The following DENND1A variants were observed in gnomAD, a reference collection of about 807,000 sequenced individuals.
DENND1A encodes the protein DENN domain-containing protein 1A.
Under a neutral mutation model 113.7 loss-of-function variants are expected in DENND1A, and 51 were observed. The ratio of observed to expected loss-of-function variants is 0.45; its 90% CI spans 0.36 to 0.57. The LOEUF (loss-of-function observed/expected upper bound fraction) is 0.57, where lower values mean the gene tolerates loss of function less well. DENND1A is among the 20% of genes least tolerant of loss of function. DENND1A has a pLI of 0.00. For missense variants in DENND1A, 1,258 were observed against 1,395.9 expected (o/e 0.90, Z 1.57); for synonymous variants, 565 against 570.8 (o/e 0.99, Z 0.14).
At chr9:123,560,692 A>AG (rs1183147634) in intron 12 of DENND1A, among the ~76,000 whole-genome samples, 2 of 150,220 alleles carry the variant, frequency 1.3e-5, no homozygotes, top group African/African-American at 4.9e-5. Flanking sequence ...CCTGTCTCAA[A>AG]AAAAAAAAAA....
intron 13 of DENND1A, among the ~76,000 whole-genome samples, chr9:123,468,097 C>G (rs2049104196): frequency 6.6e-6 from 1 of 152,154 alleles, no homozygotes; most frequent in Non-Finnish European, 1.5e-5. Flanking sequence ...AGAAGGCAGG[C>G]TCTGATTCAT....
At chr9:123,640,597 C>T (rs1009836548) in intron 9 of DENND1A, among the ~76,000 whole-genome samples, 8 of 152,222 alleles carry the variant, frequency 5.3e-5, no homozygotes, top group African/African-American at 9.6e-5. Context: ...GGATCTTTAT[C>T]GCTCTCCTTG....
At chr9:123,742,532 CAA>C (rs2069115896) in intron 5 of DENND1A, among the ~76,000 whole-genome samples, 1 of 152,202 alleles carries the variant, frequency 6.6e-6, no homozygotes, top group African/African-American at 2.4e-5. Flanking sequence ...CTTTGCACCA[CAA>C]GAGAGGCCAT....
chr9:123,468,394 T>A, intron 13 of DENND1A, among the ~76,000 whole-genome samples: 1 of 152,174 alleles, frequency 6.6e-6, no homozygotes, highest in East Asian at 1.9e-4. Context: ...CTGACTCCAG[T>A]GCAGCTAAGG....
At chr9:123,471,646 G>T (rs1051657498) in intron 13 of DENND1A, among the ~76,000 whole-genome samples, 3 of 152,180 alleles carry the variant, frequency 2.0e-5, no homozygotes, top group Non-Finnish European at 2.9e-5. Flanking sequence ...TTGACTTCTC[G>T]TAAGAACCCT....
intron 2 of DENND1A, among the ~76,000 whole-genome samples, chr9:123,854,684 T>G (rs111798986): frequency 0.013 from 1,744 of 134,338 alleles, 34 homozygotes; most frequent in African/African-American, 0.044. Flanking sequence ...GACAGAGTGA[T>G]ACTCTGTCTC....
At chr9:123,903,246 G>A (rs1360759409) in intron 1 of DENND1A, among the ~76,000 whole-genome samples, 1 of 147,268 alleles carries the variant, frequency 6.8e-6, no homozygotes, top group Admixed American at 6.7e-5. Context: ...GCAGGAGAAT[G>A]GCGTGAACCC....
intron 13 of DENND1A, among the ~76,000 whole-genome samples, chr9:123,520,656 C>T (rs759925610): frequency 9.9e-5 from 15 of 152,176 alleles, no homozygotes; most frequent in African/African-American, 1.4e-4. Flanking sequence ...TCTGATATTG[C>T]GATATAATCA....
chr9:123,869,683 A>G (rs1846239601), intron 2 of DENND1A, among the ~76,000 whole-genome samples: 2 of 152,176 alleles, frequency 1.3e-5, no homozygotes, highest in South Asian at 4.1e-4. Flanking sequence ...GTGAGTGGCA[A>G]TTTGTCCCAA....
intron 1 of DENND1A, among the ~76,000 whole-genome samples, chr9:123,921,331 C>T (rs568196662): frequency 6.6e-6 from 1 of 151,964 alleles, no homozygotes; most frequent in African/African-American, 2.4e-5. Flanking sequence ...ATTTTTTTAA[C>T]CTGAAGCTCA....
intron 5 of DENND1A, among the ~76,000 whole-genome samples, chr9:123,679,894 C>T (rs895779686): frequency 1.3e-5 from 2 of 152,046 alleles, no homozygotes; most frequent in African/African-American, 2.4e-5. Context: ...ATCCGTGGTC[C>T]GCCTCTGCCT....
chr9:123,751,264 T>C (rs953388844), intron 5 of DENND1A: 1 of 152,164 alleles, frequency 6.6e-6, no homozygotes, highest in African/African-American at 2.4e-5. Flanking sequence ...ATGGATGCAA[T>C]GGTCATTCCA....
At chr9:123,592,227 G>C (rs2059491000) in intron 11 of DENND1A, among the ~76,000 whole-genome samples, 1 of 152,134 alleles carries the variant, frequency 6.6e-6, no homozygotes, top group Non-Finnish European at 1.5e-5. Context: ...TAAGACTAAG[G>C]AATTAAACAG....
chr9:123,743,930 T>A (rs1272914433), intron 5 of DENND1A, among the ~76,000 whole-genome samples: 1 of 152,152 alleles, frequency 6.6e-6, no homozygotes, highest in Non-Finnish European at 1.5e-5. Flanking sequence ...TTTCAGAGCG[T>A]AAGTCCGTTT....
chr9:123,522,141 C>T (rs1008996555), intron 13 of DENND1A, among the ~76,000 whole-genome samples: 1 of 152,164 alleles, frequency 6.6e-6, no homozygotes, highest in African/African-American at 2.4e-5. Context: ...ATAAACCTAC[C>T]CCACAAATGT....
intron 6 of DENND1A, among the ~76,000 whole-genome samples, chr9:123,673,134 C>A (rs2063847667): frequency 6.6e-6 from 1 of 152,248 alleles, no homozygotes; most frequent in Non-Finnish European, 1.5e-5. Context: ...TGTCCCTTCA[C>A]TCATGATGTT....
At chr9:123,461,599 G>C (rs191404192) in intron 13 of DENND1A, among the ~76,000 whole-genome samples, 27 of 152,340 alleles carry the variant, frequency 1.8e-4, no homozygotes, top group Admixed American at 1.8e-3. Context: ...AGTCTGCTGA[G>C]GGCCCGATAC....
At chr9:123,493,340 T>A (rs547000189) in intron 13 of DENND1A, among the ~76,000 whole-genome samples, 38 of 152,292 alleles carry the variant, frequency 2.5e-4, no homozygotes, top group African/African-American at 6.5e-4. Flanking sequence ...TCTTTGTGAA[T>A]CGATTCTTTG....
chr9:123,891,853 C>A (rs1315927277), intron 1 of DENND1A, among the ~76,000 whole-genome samples: 2 of 152,114 alleles, frequency 1.3e-5, no homozygotes, highest in African/African-American at 4.8e-5. Context: ...GGAGAACAGA[C>A]AACAAAGCAC....
Sources: gnomAD v4.1 joint callset for allele counts (sites outside exome capture counted in the v4.1 genomes callset) on GRCh38, gnomAD v4.1.1 for gene constraint, MANE v1.5 for transcripts, NCBI Gene and HGNC (gene_info 2026-07-23, HGNC 2026-07-21) for gene names.